The following LRRC47 variants were observed in gnomAD, a reference collection of about 807,000 sequenced individuals.
LRRC47 encodes leucine-rich repeat-containing protein 47.
A neutral mutation model predicts 40.9 loss-of-function variants in LRRC47; 31 were observed. The observed-to-expected ratio is 0.76, with a 90% CI of 0.57 to 1.02. The LOEUF (loss-of-function observed/expected upper bound fraction) is 1.02, where lower values mean the gene tolerates loss of function less well. Ranked by LOEUF, LRRC47 falls within the 50% of genes least tolerant of loss-of-function variation. The pLI, the probability that LRRC47 is intolerant of heterozygous loss-of-function variation, is 0.00. For synonymous variants in LRRC47, 427 were observed against 371.9 expected (o/e 1.15, Z -1.70); for missense variants, 726 against 796.1 (o/e 0.91, Z 1.06).
Position 3,781,805 on chromosome 1 carries a change from C to T in LRRC47, c.1414-204G>A, listed in dbSNP as rs545040493. 3.3e-3 allele frequency among the ~76,000 whole-genome samples: 508 copies of T among 152,252 alleles called. 5 individuals are homozygous for T. Among genetic ancestry groups the T allele is most frequent in the Middle Eastern group, 0.02 (6 of 294 alleles). On this transcript the variant is annotated intron_variant, in intron 5 of 6. Transcript: ENST00000378251. ...GACCAGCCTGGACAACACAGCAAGA[C>T]CCCATCTCTACAAAAAAATACAAAA... is the stretch of plus-strand genomic sequence containing the variant.
intron 3 of LRRC47, among the ~76,000 whole-genome samples, chr1:3,784,474 C>G (rs761261718): frequency 6.6e-6 from 1 of 152,166 alleles, no homozygotes; most frequent in African/African-American, 2.4e-5. Context: ...CAGGACAGCA[C>G]GACACAGCAA....
At chr1:3,790,109 G>A (rs1033327190) in intron 1 of LRRC47, among the ~76,000 whole-genome samples, 4 of 152,242 alleles carry the variant, frequency 2.6e-5, no homozygotes, top group Admixed American at 2.0e-4. Flanking sequence ...GCTGACGGCA[G>A]CAACGTGGGT....
intron 1 of LRRC47, 22 bp from the exon 2 acceptor site, chr1:3,787,332 C>T (rs764418879): frequency 2.6e-5 from 41 of 1,590,582 alleles, no homozygotes; most frequent in African/African-American, 1.5e-4. Context: ...AACATGGACG[C>T]GTCAGACGCC....
At chr1:3,792,529 C>T (rs61759306) in intron 1 of LRRC47, among the ~76,000 whole-genome samples, 23,246 of 148,602 alleles carry the variant, frequency 0.16, 2,362 homozygotes, top group Non-Finnish European at 0.22. Flanking sequence ...GGTGCAATCT[C>T]GGTTCACTGC....
chr1:3,789,041 G>C (rs1643603238), intron 1 of LRRC47, among the ~76,000 whole-genome samples: 1 of 152,236 alleles, frequency 6.6e-6, no homozygotes, highest in African/African-American at 2.4e-5. Context: ...TGGACTGGTG[G>C]CTCCAGCCCA....
At position 3,795,876 on chromosome 1, in the gene LRRC47, G is replaced by A. The variant is rs773814809; in HGVS notation, c.601C>T (p.Leu201=). 60 of 1,590,406 alleles carry A rather than the reference G, an allele frequency of 3.8e-5. No homozygotes were observed. The highest frequency in any genetic ancestry group is 5.1e-5 in the Non-Finnish European group (60 of 1,173,788). ...LRELSPDIAH[L]ASLKTLDLSN... is the part of the protein sequence containing the mutation. ...CCCCCGCTGACCTTGAGCGAGGCCA[G>A]GTGGGCGATGTCGGGGCTGAGTTCT... Residue 201 remains leucine (L), a synonymous_variant, in exon 1 of 7, where the codon CTG becomes TTG. Coordinates refer to ENST00000378251, the MANE Select transcript of LRRC47 (RefSeq NM_020710.3).
chr1:3,781,059 CA>C lies in LRRC47; in HGVS notation c.*28del. 1 of 1,598,640 alleles carries C rather than the reference CA, an allele frequency of 6.3e-7. No homozygotes were observed. Among genetic ancestry groups the C allele is most frequent in the Non-Finnish European group, 8.6e-7 (1 of 1,169,288 alleles). On this transcript the variant is annotated 3_prime_UTR_variant, in exon 7 of 7. Transcript: ENST00000378251. ...GCATAGAAACCTCCGCAAAACCGGC[CA>C]AACAAACGCGGACAGGCGGCCCTGG...
chr1:3,781,555 G>T lies in LRRC47; in HGVS notation c.1460C>A (p.Thr487Asn). 6.2e-7 allele frequency: 1 copy of T among 1,613,996 alleles called. No individual in the cohort carries two copies. Among genetic ancestry groups the T allele is most frequent in the Admixed American group, 1.7e-5 (1 of 60,014 alleles). ...SDLFLEVTSA[T>N]SLQICKDVMD... ...GACATCCTTGCAAATCTGCAGACTGGTGGCACTTGTTACTTCCAAAAACAA... is the reference window on the plus strand; with the variant it reads ...GACATCCTTGCAAATCTGCAGACTGTTGGCACTTGTTACTTCCAAAAACAA... Residue 487 changes from threonine (T) to asparagine (N), a missense_variant, in exon 6 of 7, where the codon ACC becomes AAC. Thr to Asn is a moderately conservative substitution (Grantham distance 65). Coordinates refer to ENST00000378251, the MANE Select transcript of LRRC47 (RefSeq NM_020710.3).
In LRRC47 at chr1:3,781,341, A is replaced by C. The variant is rs1643517747; in HGVS notation, c.1504-5T>G. 2.5e-6 allele frequency: 4 copies of C among 1,611,036 alleles called. No individual in the cohort carries two copies. The highest frequency in any genetic ancestry group is 3.4e-6 in the Non-Finnish European group (4 of 1,177,742). The stretch of plus-strand genomic sequence containing the variant: ...CTTTTTCATTTCTGCCATTTTCTGC[A>C]AATAAAAAATACCTTTTTAACCTGG... On this transcript the variant is annotated splice_region_variant and splice_polypyrimidine_tract_variant and intron_variant, in intron 6 of 6. Coordinates refer to ENST00000378251, the MANE Select transcript of LRRC47 (RefSeq NM_020710.3).
In LRRC47 at chr1:3,785,306, C is replaced by T. The variant is rs545297412; in HGVS notation, c.1078-103G>A. The T allele has an allele frequency of 2.2e-4, 165 of 765,766 alleles. 1 individual carries two copies. Among genetic ancestry groups the T allele is most frequent in the Admixed American group, 7.1e-4 (23 of 32,408 alleles). The allele number at this position is 765,766 out of a possible 1,614,324, so 47.4% of individuals were successfully genotyped here. On this transcript the variant is annotated intron_variant, in intron 2 of 6. Transcript: ENST00000378251. ...TGGGCTGTGTGCCAGGAAACCCTCC[C>T]GGTCCAAGGTCTTCACAACCACGCC...
rs761821973 is a variant in LRRC47 at position 3,787,034 on chromosome 1, C to G, written c.892G>C (p.Glu298Gln). Reference protein sequence around the residue: ...KQRREGGDGEEQDVGDAGRLL... With the variant: ...KQRREGGDGEQQDVGDAGRLL... ...CGGCCGGCATCTCCCACGTCCTGCTCCTCCCCATCACCACCTTCCCGCCTC... is the reference window on the plus strand; with the variant it reads ...CGGCCGGCATCTCCCACGTCCTGCTGCTCCCCATCACCACCTTCCCGCCTC... The change falls in exon 2 of 7, where the codon GAG (glutamate) becomes CAG (glutamine). Residue 298 changes from glutamate (E) to glutamine (Q), a missense_variant. Transcript: ENST00000378251. The G allele has an allele frequency of 1.2e-6, 2 of 1,612,576 alleles. No homozygotes were observed. The highest frequency in any genetic ancestry group is 1.7e-6 in the Non-Finnish European group (2 of 1,179,410).
In LRRC47 at chr1:3,796,054, C is replaced by T; in HGVS notation, c.423G>A (p.Leu141=). The T allele has an allele frequency of 1.3e-6, 2 of 1,539,692 alleles. No individual in the cohort carries two copies. Among genetic ancestry groups the T allele is most frequent in the Non-Finnish European group, 8.7e-7 (1 of 1,145,836 alleles). Residue 141 remains leucine (L), a synonymous_variant, in exon 1 of 7, where the codon CTG becomes CTA. Coordinates refer to ENST00000378251, the MANE Select transcript of LRRC47 (RefSeq NM_020710.3). ...LQSLNLSGNR[L]RELPADLARC... ...GCGCCAGGTCGGCTGGCAGCTCGCG[C>T]AGCCGGTTGCCGCTGAGGTTGAGGC...
In LRRC47 at chr1:3,781,245, G is replaced by A. The variant is rs1458481607; in HGVS notation, c.1595C>T (p.Pro532Leu). 2.5e-6 allele frequency: 4 copies of A among 1,614,228 alleles called. No individual in the cohort carries two copies. The highest frequency in any genetic ancestry group is 2.5e-6 in the Non-Finnish European group (3 of 1,180,040). Residue 532 changes from proline (P) to leucine (L), a missense_variant, in exon 7 of 7, where the codon CCA becomes CTA. Transcript: ENST00000378251. ...AGCACTGGGATTCGTTGTGGGATCT[G>A]GAAGTTGTCCAGAGACTGCATCGGC... is the stretch of plus-strand genomic sequence containing the variant. ...TEADAVSGQLPDPTTNPSAGK... is the reference protein window; with the variant it reads ...TEADAVSGQLLDPTTNPSAGK...
chr1:3,778,864 A>G lies in LRRC47; in HGVS notation c.*2224T>C, dbSNP rs763543325. Reference sequence around the variant, plus strand: ...GCAGCCTCTGCCATGGCAGCCCCAAATCACCTCTCAGAGCAACTGTCTGGG... The same window carrying G: ...GCAGCCTCTGCCATGGCAGCCCCAAGTCACCTCTCAGAGCAACTGTCTGGG... On this transcript the variant is annotated 3_prime_UTR_variant, in exon 7 of 7. Transcript: ENST00000378251. The G allele has an allele frequency of 2.6e-5, 4 of 152,152 alleles. No individual in the cohort carries two copies. The highest frequency in any genetic ancestry group is 4.4e-5 in the Non-Finnish European group (3 of 68,044). The allele number at this position is 152,152 out of a possible 1,614,324, so 9.4% of individuals were successfully genotyped here.
In LRRC47 at chr1:3,780,439, TGCCACGTAACA is replaced by T. The variant is rs1643507466; in HGVS notation, c.*638_*648del. 6.6e-6 allele frequency: 1 copy of T among 152,208 alleles called. No individual in the cohort carries two copies. Among genetic ancestry groups the T allele is most frequent in the African/African-American group, 2.4e-5 (1 of 41,402 alleles). The allele number at this position is 152,208 out of a possible 1,614,324, so 9.4% of individuals were successfully genotyped here. A position where few individuals can be genotyped will look rare whatever the true frequency, so the allele number is the denominator to read the frequency against. On this transcript the variant is annotated 3_prime_UTR_variant, in exon 7 of 7. Transcript: ENST00000378251. ...TGTTACGTGGCACATGACTGTACAG[TGCCACGTAACA>T]GCACTGTACTTTTCTCCCATAAACA...
chr1:3,787,767 T>TA lies in LRRC47; in HGVS notation c.616-458dup, dbSNP rs111809412. 6.2e-3 allele frequency among the ~76,000 whole-genome samples: 915 copies of TA among 148,106 alleles called. 10 individuals carry two copies. The highest frequency in any genetic ancestry group is 0.049 in the East Asian group (247 of 5,086). Reference sequence around the variant, plus strand: ...TGTTATTTTTTTTAATTAAATGAGCTAAAAAAAAAATACAGCAAAATCTCT... The same window carrying TA: ...TGTTATTTTTTTTAATTAAATGAGCTAAAAAAAAAAATACAGCAAAATCTCT... On this transcript the variant is annotated intron_variant, in intron 1 of 6. Coordinates refer to ENST00000378251, the MANE Select transcript of LRRC47 (RefSeq NM_020710.3).
In LRRC47 at chr1:3,781,257, G is replaced by A. The variant is rs1411858550; in HGVS notation, c.1583C>T (p.Ser528Phe). ...SLSDTEADAV[S>F]GQLPDPTTNP... is the part of the protein sequence containing the mutation. ...CGTTGTGGGATCTGGAAGTTGTCCA[G>A]AGACTGCATCGGCTTCAGTATCTGA... The change falls in exon 7 of 7, where the codon TCT becomes TTT. Residue 528 changes from serine (S) to phenylalanine (F), a missense_variant. Coordinates refer to ENST00000378251, the MANE Select transcript of LRRC47 (RefSeq NM_020710.3). 2 of 1,614,234 alleles carry A rather than the reference G, an allele frequency of 1.2e-6. No individual in the cohort carries two copies. The highest frequency in any genetic ancestry group is 2.2e-5 in the East Asian group (1 of 44,880).
intron 2 of LRRC47, among the ~76,000 whole-genome samples, 200 bp downstream of exon 2, chr1:3,786,649 T>G (rs1233547369): frequency 6.6e-6 from 1 of 152,184 alleles, no homozygotes; most frequent in East Asian, 1.9e-4. Flanking sequence ...GACTGAGGCC[T>G]TACCCCCTCC....
chr1:3,785,872 CTT>C (rs35626368), intron 2 of LRRC47, among the ~76,000 whole-genome samples: 48 of 141,564 alleles, frequency 3.4e-4, no homozygotes, highest in African/African-American at 4.4e-4. Flanking sequence ...CCTGATTTTC[CTT>C]TTTTTTTTTT....
Sources: allele counts gnomAD v4.1 joint callset (sites outside exome capture counted in the v4.1 genomes callset), GRCh38; gene constraint gnomAD v4.1.1; transcripts MANE v1.5; gene names NCBI Gene and HGNC (gene_info 2026-07-23, HGNC 2026-07-21).